Variants in NCOA6 observed in about 807,000 individuals in gnomAD.
The protein encoded by NCOA6 is nuclear receptor coactivator 6, also known as NRC RAP250.
A neutral mutation model predicts 171.4 loss-of-function variants in NCOA6; 49 were observed. The ratio of observed to expected loss-of-function variants is 0.29; its 90% confidence interval spans 0.23 to 0.36. The LOEUF is 0.36. Ranked by LOEUF, NCOA6 falls within the 10% of genes least tolerant of loss-of-function variation. The pLI is 1.00. For synonymous variants in NCOA6, 910 were observed against 927.5 expected (o/e 0.98, Z 0.34); for missense variants, 2,248 against 2,554.5 (o/e 0.88, Z 2.59).
At chr20:34,792,776 A>ATTTTTTT (rs35924752) in intron 1 of NCOA6, among the ~76,000 whole-genome samples, 1 of 112,316 alleles carries the variant, frequency 8.9e-6, no homozygotes, top group Non-Finnish European at 1.8e-5. Context: ...ATCTTTTCTG[A>ATTTTTTT]TTTTTTTTTT....
Position 34,743,277 on chromosome 20 carries a change from A to C in NCOA6, c.2979T>G (p.His993Gln), listed in dbSNP as rs766665813. ...LQQMPPQLMQ[H>Q]VAPPPQPPQQ... ...GTGGTGGCTGTGGTGGGGGTGCCAC[A>C]TGCTGCATGAGTTGAGGAGGCATCT... Residue 993 changes from histidine (H) to glutamine (Q), a missense_variant, in exon 11 of 15, where the codon CAT becomes CAG. Physicochemically the swap from His to Gln is conservative, Grantham distance 24. Coordinates refer to ENST00000359003, the MANE Select transcript of NCOA6 (RefSeq NM_014071.5). 3 of 1,613,878 alleles carry C rather than the reference A, an allele frequency of 1.9e-6. No individual in the cohort carries two copies. The highest frequency in any genetic ancestry group is 2.2e-5 in the South Asian group (2 of 91,032).
intron 12 of NCOA6, 180 bp from the exon 13 acceptor site, chr20:34,732,775 A>G (rs1427617842): frequency 3.8e-6 from 2 of 522,838 alleles, no homozygotes; most frequent in East Asian, 3.1e-5. Context: ...TGTTTGGGAC[A>G]TAAGACACTT....
chr20:34,804,714 T>A (rs998194242), intron 1 of NCOA6, among the ~76,000 whole-genome samples: 37 of 151,990 alleles, frequency 2.4e-4, no homozygotes, highest in Non-Finnish European at 4.9e-4. Flanking sequence ...ATTATTTTAA[T>A]CACACATAAC....
At chr20:34,815,607 T>C (rs571690431) in intron 1 of NCOA6, among the ~76,000 whole-genome samples, 1 of 152,164 alleles carries the variant, frequency 6.6e-6, no homozygotes, top group East Asian at 1.9e-4. Context: ...TGGTTTGAAA[T>C]CAAATGAAGT....
chr20:34,813,974 T>G (rs1322254482), intron 1 of NCOA6, among the ~76,000 whole-genome samples: 1 of 152,074 alleles, frequency 6.6e-6, no homozygotes, highest in Non-Finnish European at 1.5e-5. Context: ...AGGGAATATA[T>G]TCTAAGAAAA....
chr20:34,743,115 CCTAA>C lies in NCOA6; in HGVS notation c.3137_3140del (p.Val1046GlyfsTer15). ...GATGGACATTTTGAGAGACTGGAAG[CCTAA>C]CTGATTTGGGATCCTGCTGCATCAT... is the stretch of plus-strand genomic sequence containing the variant. On this transcript the variant is annotated frameshift_variant, in exon 11 of 15. Coordinates refer to ENST00000359003, the MANE Select transcript of NCOA6 (RefSeq NM_014071.5). LOFTEE classifies it high-confidence loss of function. 1 of 1,613,486 alleles carries C rather than the reference CCTAA, an allele frequency of 6.2e-7. No individual in the cohort carries two copies. Among genetic ancestry groups the C allele is most frequent in the Non-Finnish European group, 8.5e-7 (1 of 1,179,542 alleles).
intron 1 of NCOA6, among the ~76,000 whole-genome samples, chr20:34,811,236 T>TACAC (rs2078655998): frequency 7.4e-6 from 1 of 135,706 alleles, no homozygotes; most frequent in Non-Finnish European, 1.6e-5. Flanking sequence ...TATATATATA[T>TACAC]GCTTTCAAAA....
chr20:34,801,419 GAA>G (rs1393337897), intron 1 of NCOA6, among the ~76,000 whole-genome samples: 2 of 151,980 alleles, frequency 1.3e-5, no homozygotes, highest in African/African-American at 4.8e-5. Flanking sequence ...CTGCCTTTTT[GAA>G]AAGATAAACA....
At position 34,750,551 on chromosome 20, in the gene NCOA6, A is replaced by G. The variant is rs573519872; in HGVS notation, c.1676-32T>C. On this transcript the variant is annotated intron_variant, in intron 8 of 14. Coordinates refer to ENST00000359003, the MANE Select transcript of NCOA6 (RefSeq NM_014071.5). ...AAAAAAAAAAGTCACAGTTTCAGAA[A>G]TAAATATTTTTATCTTATTGGTATT... 1.0e-4 allele frequency: 161 copies of G among 1,540,474 alleles called. 4 individuals are homozygous for G. In the South Asian group the frequency reaches 2.0e-3, roughly 19 times the overall value.
chr20:34,771,651 T>C (rs887770576), intron 4 of NCOA6, among the ~76,000 whole-genome samples: 5 of 152,204 alleles, frequency 3.3e-5, no homozygotes, highest in African/African-American at 4.8e-5. Context: ...TCTCCTTCAA[T>C]AGCAAGGATT....
intron 5 of NCOA6, among the ~76,000 whole-genome samples, chr20:34,762,174 T>C (rs2076838551): frequency 6.6e-6 from 1 of 152,210 alleles, no homozygotes; most frequent in South Asian, 2.1e-4. Flanking sequence ...TTTTTCCTTT[T>C]ACATTATATA....
chr20:34,723,953 C>A (rs749002351), intron 14 of NCOA6, among the ~76,000 whole-genome samples: 1 of 152,192 alleles, frequency 6.6e-6, no homozygotes, highest in Non-Finnish European at 1.5e-5. Flanking sequence ...ATACCATATT[C>A]TATAGCCTAG....
chr20:34,823,574 C>A (rs1015877920), intron 1 of NCOA6, among the ~76,000 whole-genome samples: 1 of 152,148 alleles, frequency 6.6e-6, no homozygotes, highest in Non-Finnish European at 1.5e-5. Context: ...ACTTTGAATT[C>A]TTCTCTAACA....
intron 1 of NCOA6, among the ~76,000 whole-genome samples, chr20:34,801,726 A>G (rs1019313313): frequency 6.6e-6 from 1 of 152,148 alleles, no homozygotes; most frequent in African/African-American, 2.4e-5. Flanking sequence ...TTAGCCAGGC[A>G]TGGTGGCACG....
intron 5 of NCOA6, among the ~76,000 whole-genome samples, chr20:34,761,634 T>A (rs2076821288): frequency 6.6e-6 from 1 of 152,160 alleles, no homozygotes; most frequent in Admixed American, 6.6e-5. Context: ...TAAGAATTCT[T>A]GAATTATGAC....
intron 1 of NCOA6, among the ~76,000 whole-genome samples, chr20:34,813,166 AAAAAAAAC>A (rs1223144649): frequency 1.3e-5 from 2 of 151,238 alleles, no homozygotes; most frequent in African/African-American, 4.9e-5. Flanking sequence ...TCTCAGAAAA[AAAAAAAAC>A]AAAAAAATAG....
chr20:34,790,947 G>A (rs999297018), intron 2 of NCOA6, among the ~76,000 whole-genome samples: 9 of 152,134 alleles, frequency 5.9e-5, no homozygotes, highest in African/African-American at 1.4e-4. Flanking sequence ...CACCGCACCC[G>A]GTCTAATTTG....
chr20:34,734,740 C>A (rs893763654), intron 12 of NCOA6, among the ~76,000 whole-genome samples: 1 of 151,802 alleles, frequency 6.6e-6, no homozygotes, highest in East Asian at 1.9e-4. Flanking sequence ...GCAACCTCTG[C>A]GTCCCAGGTT....
chr20:34,818,056 T>C (rs954895506), intron 1 of NCOA6, among the ~76,000 whole-genome samples: 4 of 152,244 alleles, frequency 2.6e-5, no homozygotes, highest in Non-Finnish European at 5.9e-5. Flanking sequence ...TCTGTATCAA[T>C]TGTTAGCTCT....
Sources: allele counts gnomAD v4.1 joint callset (sites outside exome capture counted in the v4.1 genomes callset), GRCh38; gene constraint gnomAD v4.1.1; transcripts MANE v1.5; gene names NCBI Gene and HGNC (gene_info 2026-07-23, HGNC 2026-07-21).